BABAM2: variants seen among roughly 807,000 people sequenced by gnomAD.
BABAM2 encodes BRISC and BRCA1 A complex member 2.
BABAM2 carries 31 observed loss-of-function variants against 54.7 expected under a neutral mutation model. That is an observed-to-expected ratio of 0.57 (90% CI 0.43 to 0.77). The LOEUF is 0.77. Among genes scored for constraint, BABAM2 ranks in the 30% least tolerant of loss-of-function variants. The pLI, the probability that BABAM2 is intolerant of heterozygous loss-of-function variation, is 0.00. For missense variants in BABAM2, 364 were observed against 455.8 expected (o/e 0.80, Z 1.83); for synonymous variants, 167 against 162.9 (o/e 1.03, Z -0.19).
At chr2:28,274,120 C>A (rs1316220814) in intron 10 of BABAM2, among the ~76,000 whole-genome samples, 1 of 152,194 alleles carries the variant, frequency 6.6e-6, no homozygotes, top group African/African-American at 2.4e-5. Context: ...AAGACACCAC[C>A]TTTATCTGGC....
intron 7 of BABAM2, among the ~76,000 whole-genome samples, chr2:28,154,409 T>C (rs1573701013): frequency 6.6e-6 from 1 of 152,328 alleles, no homozygotes; most frequent in East Asian, 1.9e-4. Flanking sequence ...GAAACATTTC[T>C]GATTTTAGGG....
chr2:28,149,271 C>T (rs532045514), intron 7 of BABAM2, among the ~76,000 whole-genome samples: 4 of 152,256 alleles, frequency 2.6e-5, no homozygotes, highest in South Asian at 2.1e-4. Context: ...GTACTGGGTA[C>T]GAAGACTCAG....
At chr2:28,000,702 A>G (rs912994395) in intron 4 of BABAM2, among the ~76,000 whole-genome samples, 7 of 152,092 alleles carry the variant, frequency 4.6e-5, no homozygotes, top group African/African-American at 1.7e-4. Flanking sequence ...CCATTTATTA[A>G]TTTATTCAAT....
chr2:28,199,471 A>G (rs1678015931), intron 7 of BABAM2, among the ~76,000 whole-genome samples: 1 of 151,724 alleles, frequency 6.6e-6, no homozygotes, highest in African/African-American at 2.4e-5. Flanking sequence ...TATCCACCAA[A>G]CTCCTAGAAT....
At position 28,122,695 on chromosome 2, in the gene BABAM2, A is replaced by G. The variant is rs1288290811; in HGVS notation, c.571-6576A>G. ...ATATAGGGACTTGTTAATGACTGCT[A>G]TCTTTACTTGGGATAATTAGCATAT... On this transcript the variant is annotated intron_variant, in intron 6 of 11. Transcript: ENST00000379624. Among the ~76,000 whole-genome samples the G allele has an allele frequency of 3.9e-5, 6 of 152,196 alleles. No homozygotes were observed. In the East Asian group the frequency reaches 7.7e-4, roughly 20 times the overall value.
chr2:27,982,559 GGC>G (rs977432206), intron 3 of BABAM2, among the ~76,000 whole-genome samples: 2 of 150,826 alleles, frequency 1.3e-5, no homozygotes. Flanking sequence ...TTTTGCCTGT[GGC>G]TTTCCAGTTG....
chr2:28,206,018 G>A (rs1422627357), intron 7 of BABAM2, among the ~76,000 whole-genome samples: 20 of 152,164 alleles, frequency 1.3e-4, no homozygotes, highest in East Asian at 1.9e-4. Context: ...TAGGACTGAC[G>A]TTGAAAGAAG....
chr2:27,992,968 C>G (rs1672884378), intron 4 of BABAM2, among the ~76,000 whole-genome samples: 1 of 152,196 alleles, frequency 6.6e-6, no homozygotes, highest in Admixed American at 6.5e-5. Flanking sequence ...CCTGACATCC[C>G]TATGCAAAAT....
At chr2:28,163,910 C>G (rs780231170) in intron 7 of BABAM2, among the ~76,000 whole-genome samples, 3 of 152,206 alleles carry the variant, frequency 2.0e-5, no homozygotes, top group Non-Finnish European at 4.4e-5. Context: ...TCATTTCCAT[C>G]TGGCTTCATC....
intron 3 of BABAM2, among the ~76,000 whole-genome samples, chr2:27,961,722 CTTT>C (rs5830058): frequency 0.034 from 3,395 of 99,076 alleles, 52 homozygotes; most frequent in South Asian, 0.12. Context: ...CCTTAATTAT[CTTT>C]TTTTTTTTTT....
intron 4 of BABAM2, among the ~76,000 whole-genome samples, chr2:28,009,330 G>A (rs1674222274): frequency 6.6e-6 from 1 of 152,072 alleles, no homozygotes; most frequent in East Asian, 1.9e-4. Context: ...AGGTAGAAAA[G>A]GTTCATATAC....
At chr2:28,311,073 A>T (rs1021649779) in intron 11 of BABAM2, among the ~76,000 whole-genome samples, 5 of 152,104 alleles carry the variant, frequency 3.3e-5, no homozygotes, top group African/African-American at 1.2e-4. Flanking sequence ...CATCCTGGCT[A>T]ACATGGTGAA....
chr2:28,146,248 T>A (rs182401423), intron 7 of BABAM2, among the ~76,000 whole-genome samples: 1 of 152,370 alleles, frequency 6.6e-6, no homozygotes, highest in East Asian at 1.9e-4. Flanking sequence ...TTTCATTTTC[T>A]TGATGATATT....
In BABAM2 at chr2:27,898,577, G is replaced by C. The variant is rs578009218; in HGVS notation, c.128+3893G>C. ...AGGTGATGAATGGATAAACAAATTT[G>C]GCATATCAAAAATAGAATATTATTT... On this transcript the variant is annotated intron_variant, in intron 2 of 11. Coordinates refer to ENST00000379624, the MANE Select transcript of BABAM2 (RefSeq NM_199191.3). 2.0e-5 allele frequency among the ~76,000 whole-genome samples: 3 copies of C among 152,172 alleles called. No individual in the cohort carries two copies. The South Asian group carries it at 6.2e-4, about 32-fold the overall frequency.
At chr2:28,130,299 A>G (rs1443695900) in intron 7 of BABAM2, among the ~76,000 whole-genome samples, 1 of 152,230 alleles carries the variant, frequency 6.6e-6, no homozygotes, top group Admixed American at 6.5e-5. Context: ...TTTATAAATC[A>G]TGGACACATC....
intron 10 of BABAM2, among the ~76,000 whole-genome samples, chr2:28,261,197 C>T (rs1573954432): frequency 1.3e-5 from 2 of 152,110 alleles, no homozygotes; most frequent in East Asian, 3.8e-4. Context: ...CCACCTCAGT[C>T]TCTTAAAGTG....
intron 6 of BABAM2, among the ~76,000 whole-genome samples, chr2:28,049,022 A>C (rs1677809753): frequency 1.3e-5 from 2 of 152,236 alleles, no homozygotes; most frequent in Admixed American, 1.3e-4. Flanking sequence ...TCCATAGAAA[A>C]GTAGCTAAAG....
At chr2:27,889,953 G>T (rs950000475), upstream of BABAM2, 7 of 306,086 alleles carry the variant, frequency 2.3e-5, no homozygotes, top group Admixed American at 2.0e-4. Context: ...CAGCAGCCGG[G>T]CCAAGAAAGG....
intron 6 of BABAM2, among the ~76,000 whole-genome samples, chr2:28,092,985 G>C (rs941310536): frequency 6.6e-6 from 1 of 152,048 alleles, no homozygotes; most frequent in East Asian, 1.9e-4. Context: ...CATTCTTTAT[G>C]ATTATCATCA....
Sources: gnomAD v4.1 joint callset for allele counts (sites outside exome capture counted in the v4.1 genomes callset) on GRCh38, gnomAD v4.1.1 for gene constraint, MANE v1.5 for transcripts, NCBI Gene and HGNC (gene_info 2026-07-23, HGNC 2026-07-21) for gene names.